Variants in EXOC6B observed in about 807,000 individuals in gnomAD.
EXOC6B encodes the protein exocyst complex component 6B, also known as SEC15 homolog B.
In EXOC6B, 54 loss-of-function variants were observed where a neutral mutation model predicts 113.5. The observed-to-expected ratio is 0.48, with a 90% CI of 0.38 to 0.60. The LOEUF (loss-of-function observed/expected upper bound fraction) is 0.60. Ranked by LOEUF, EXOC6B falls within the 20% of genes least tolerant of loss-of-function variation. The pLI is 0.00. For missense variants in EXOC6B, 797 were observed against 977.5 expected (o/e 0.82, Z 2.46); for synonymous variants, 357 against 339.0 (o/e 1.05, Z -0.58).
chr2:72,417,587 T>C (rs932691868), intron 18 of EXOC6B, among the ~76,000 whole-genome samples: 1 of 152,230 alleles, frequency 6.6e-6, no homozygotes, highest in African/African-American at 2.4e-5. Context: ...AATATTTTCC[T>C]ATTCTGTTAT....
chr2:72,743,746 A>G (rs143675481), intron 1 of EXOC6B, among the ~76,000 whole-genome samples: 1 of 152,232 alleles, frequency 6.6e-6, no homozygotes, highest in East Asian at 1.9e-4. Context: ...GATTTCTGAC[A>G]TTTGTTCAAG....
intron 20 of EXOC6B, among the ~76,000 whole-genome samples, chr2:72,205,520 AT>A (rs1679786579): frequency 6.6e-6 from 1 of 152,128 alleles, no homozygotes; most frequent in Non-Finnish European, 1.5e-5. Context: ...ATCCAAAACA[AT>A]TGTAAAAAGT....
chr2:72,305,626 A>C (rs1173889330), intron 20 of EXOC6B, among the ~76,000 whole-genome samples: 1 of 152,184 alleles, frequency 6.6e-6, no homozygotes, highest in East Asian at 1.9e-4. Context: ...GGACAAATTC[A>C]TAAGCTTTCT....
At chr2:72,552,483 A>G (rs529054389) in intron 8 of EXOC6B, among the ~76,000 whole-genome samples, 3 of 152,280 alleles carry the variant, frequency 2.0e-5, no homozygotes, top group African/African-American at 7.2e-5. Context: ...GTTTCATAAA[A>G]TAGAAAAAAG....
Position 72,196,779 on chromosome 2 carries a change from C to T in EXOC6B, c.2197-12592G>A, listed in dbSNP as rs1679198860. ...TTCCTTTGTCATTAAGTTCATTTTC[C>T]TCCTTTCAATTCTATTTACTAATTA... On this transcript the variant is annotated intron_variant, in intron 20 of 21. Coordinates refer to ENST00000272427, the MANE Select transcript of EXOC6B (RefSeq NM_015189.3). 1.3e-5 allele frequency among the ~76,000 whole-genome samples: 2 copies of T among 152,124 alleles called. 1 individual carries two copies. The highest frequency in any genetic ancestry group is 4.1e-4 in the South Asian group (2 of 4,830).
At chr2:72,305,761 C>CA (rs5832079) in intron 20 of EXOC6B, among the ~76,000 whole-genome samples, 31,735 of 151,990 alleles carry the variant, frequency 0.21, 6,242 homozygotes, top group African/African-American at 0.52. Flanking sequence ...CTCTAATAAA[C>CA]AAAAAATTTC....
At chr2:72,502,477 GGCAGAGGTT>G (rs1338666332) in intron 11 of EXOC6B, among the ~76,000 whole-genome samples, 2 of 152,132 alleles carry the variant, frequency 1.3e-5, no homozygotes, top group Non-Finnish European at 2.9e-5. Flanking sequence ...GAACCCGGGA[GGCAGAGGTT>G]GCAGTGAGCA....
chr2:72,809,180 A>G (rs779968125), intron 1 of EXOC6B, among the ~76,000 whole-genome samples: 1 of 152,202 alleles, frequency 6.6e-6, no homozygotes, highest in Non-Finnish European at 1.5e-5. Context: ...AGAAACAAAA[A>G]AGGAAAGAAT....
chr2:72,785,980 T>C (rs1035019855), intron 1 of EXOC6B, among the ~76,000 whole-genome samples: 2 of 152,176 alleles, frequency 1.3e-5, no homozygotes, highest in Admixed American at 1.3e-4. Flanking sequence ...TCCCAGCTCT[T>C]TGGGGAGCCA....
chr2:72,749,951 G>A (rs1681934114), intron 1 of EXOC6B, among the ~76,000 whole-genome samples: 1 of 151,634 alleles, frequency 6.6e-6, no homozygotes. Context: ...ATTTGTAGAT[G>A]TATATGTTAT....
At chr2:72,337,559 A>G (rs1688762273) in intron 19 of EXOC6B, among the ~76,000 whole-genome samples, 1 of 152,188 alleles carries the variant, frequency 6.6e-6, no homozygotes, top group African/African-American at 2.4e-5. Context: ...TGGATGTGAT[A>G]CATATTTAGT....
chr2:72,652,702 T>C (rs778698105), intron 6 of EXOC6B, among the ~76,000 whole-genome samples: 2 of 148,366 alleles, frequency 1.3e-5, no homozygotes, highest in Non-Finnish European at 3.0e-5. Flanking sequence ...CATTATGAGA[T>C]TTTTACTTTT....
Position 72,514,635 on chromosome 2 carries a change from C to G in EXOC6B, c.1045G>C (p.Gly349Arg), listed in dbSNP as rs1701124893. 1.1e-6 allele frequency: 1 copy of G among 941,250 alleles called. No homozygotes were observed. The highest frequency in any genetic ancestry group is 1.7e-5 in the African/African-American group (1 of 59,138). 58.3% of individuals were successfully genotyped at this position (941,250 alleles called of 1,614,324 possible). Residue 349 changes from glycine (G) to arginine (R), a missense_variant and splice_region_variant, in exon 10 of 22, where the codon GGC becomes CGC. Physicochemically the swap from Gly to Arg is moderately radical, Grantham distance 125. Coordinates refer to ENST00000272427, the MANE Select transcript of EXOC6B (RefSeq NM_015189.3). ...ATATATATATATATATATACCTACC[C>G]TACAATTTGATTAAAATACTTCCTG... ...GYRKYFNQIV[G>R]FFVVEDHILH...
At chr2:72,359,983 T>C (rs960208045) in intron 19 of EXOC6B, among the ~76,000 whole-genome samples, 2 of 152,142 alleles carry the variant, frequency 1.3e-5, no homozygotes, top group African/African-American at 2.4e-5. Flanking sequence ...GAGTAGAAGC[T>C]TACTGAGGCC....
intron 18 of EXOC6B, among the ~76,000 whole-genome samples, chr2:72,398,474 A>T (rs1225319970): frequency 6.6e-6 from 1 of 152,090 alleles, no homozygotes; most frequent in Non-Finnish European, 1.5e-5. Context: ...AGGCAGGTGG[A>T]TCACTTGAGG....
chr2:72,652,818 T>C (rs1215315601), intron 6 of EXOC6B, among the ~76,000 whole-genome samples: 2 of 148,066 alleles, frequency 1.4e-5, no homozygotes, highest in Non-Finnish European at 3.0e-5. Context: ...AATAGGCATA[T>C]ATTTTATATA....
chr2:72,495,346 G>T, intron 15 of EXOC6B, 84 bp downstream of exon 15: 1 of 693,838 alleles, frequency 1.4e-6, no homozygotes, highest in Non-Finnish European at 2.4e-6. Context: ...GGGCTGACGG[G>T]ACTATCAAAA....
intron 1 of EXOC6B, among the ~76,000 whole-genome samples, chr2:72,824,381 C>G (rs374565200): frequency 3.3e-5 from 5 of 152,160 alleles, no homozygotes; most frequent in Non-Finnish European, 5.9e-5. Flanking sequence ...AGGGGACCCT[C>G]TCTCAATAAA....
chr2:72,661,320 C>T lies in EXOC6B; in HGVS notation c.669+56783G>A, dbSNP rs566144824. 2.0e-5 allele frequency among the ~76,000 whole-genome samples: 3 copies of T among 150,888 alleles called. No homozygotes were observed. In the South Asian group the frequency reaches 6.3e-4, roughly 32 times the overall value. ...TTACGAAGAAAAAAAACTAAATTGTCCGTACTCACAGATAACGTAATTATC... is the reference window on the plus strand; with the variant it reads ...TTACGAAGAAAAAAAACTAAATTGTTCGTACTCACAGATAACGTAATTATC... On this transcript the variant is annotated intron_variant, in intron 6 of 21. Coordinates refer to ENST00000272427, the MANE Select transcript of EXOC6B (RefSeq NM_015189.3).
Sources: gnomAD v4.1 joint callset for allele counts (sites outside exome capture counted in the v4.1 genomes callset) on GRCh38, gnomAD v4.1.1 for gene constraint, MANE v1.5 for transcripts, NCBI Gene and HGNC (gene_info 2026-07-23, HGNC 2026-07-21) for gene names.